Variants in HTR1D observed in about 807,000 individuals in gnomAD.
The protein encoded by HTR1D is 5-hydroxytryptamine receptor 1D, also known as 5-HT-1D.
HTR1D carries 18 observed loss-of-function variants against 21.1 expected under a neutral mutation model. The observed-to-expected ratio is 0.85, with a 90% confidence interval of 0.59 to 1.27. HTR1D has a LOEUF of 1.27. Among genes scored for constraint, HTR1D ranks in the 50% most tolerant of loss-of-function variants. The pLI, the probability that HTR1D is intolerant of heterozygous loss-of-function variation, is 0.00. For synonymous variants in HTR1D, 196 were observed against 204.4 expected (o/e 0.96, Z 0.35); for missense variants, 456 against 481.4 (o/e 0.95, Z 0.49).
rs187495436 is a variant in HTR1D at position 23,202,844 on chromosome 1, G to T, written c.-782-7843C>A. Reference sequence around the variant, plus strand: ...AGTTTTCTCCTCTGCAAAAATCAGGGTATCAAGTCTACCTCCCAGAGATAT... The same window carrying T: ...AGTTTTCTCCTCTGCAAAAATCAGGTTATCAAGTCTACCTCCCAGAGATAT... On this transcript the variant is annotated intron_variant, in intron 1 of 1. Coordinates refer to ENST00000374619, the MANE Select transcript of HTR1D (RefSeq NM_000864.5). Among the ~76,000 whole-genome samples the T allele has an allele frequency of 3.5e-3, 537 of 152,170 alleles. 5 individuals are homozygous for T. Among genetic ancestry groups the T allele is most frequent in the Middle Eastern group, 0.01 (3 of 292 alleles).
intron 1 of HTR1D, among the ~76,000 whole-genome samples, chr1:23,209,623 A>G (rs967173861): frequency 6.6e-6 from 1 of 152,138 alleles, no homozygotes; most frequent in African/African-American, 2.4e-5. Context: ...CTCATGTATT[A>G]ACTCATTTAA....
At chr1:23,206,274 C>T (rs1039754444) in intron 1 of HTR1D, among the ~76,000 whole-genome samples, 18 of 152,128 alleles carry the variant, frequency 1.2e-4, no homozygotes, top group Admixed American at 1.1e-3. Context: ...TCGTGATCCA[C>T]CCACCTCGGC....
At chr1:23,215,023 G>A (rs1423943168) in intron 1 of HTR1D, among the ~76,000 whole-genome samples, 1 of 152,144 alleles carries the variant, frequency 6.6e-6, no homozygotes, top group Non-Finnish European at 1.5e-5. Flanking sequence ...GCAAAAAGAT[G>A]AGGGAACAAC....
rs2148237641 is a variant in HTR1D at position 23,194,221 on chromosome 1, C to T, written c.-2G>A. 1.2e-6 allele frequency: 2 copies of T among 1,608,498 alleles called. No homozygotes were observed. The highest frequency in any genetic ancestry group is 2.2e-5 in the East Asian group (1 of 44,828). ...TGCTGACTGGTTCAGTGGGGACATG[C>T]TAGGTGGCTCTCTCTTCCCACAGAC... On this transcript the variant is annotated 5_prime_UTR_variant, in exon 2 of 2. An upstream open reading frame in the 5' UTR loses its in-frame stop. Transcript: ENST00000374619.
intron 1 of HTR1D, among the ~76,000 whole-genome samples, chr1:23,205,252 GA>G (rs1644725241): frequency 1.3e-5 from 2 of 150,352 alleles, no homozygotes; most frequent in African/African-American, 2.4e-5. Context: ...GGAAGGGTGG[GA>G]GGGGGAAAGG....
chr1:23,199,415 CTTTTTTTTTTTTTTTTTTTTTTTTTT>C (rs71020483), intron 1 of HTR1D, among the ~76,000 whole-genome samples: 2 of 46,330 alleles, frequency 4.3e-5, no homozygotes, highest in African/African-American at 1.8e-4. Context: ...CATGTGTGGT[CTTTTTTTTTTTTTTTTTTTTTTTTTT>C]TTTTTTTTTT....
At chr1:23,205,913 C>A (rs1260587657) in intron 1 of HTR1D, among the ~76,000 whole-genome samples, 1 of 152,162 alleles carries the variant, frequency 6.6e-6, no homozygotes, top group Non-Finnish European at 1.5e-5. Flanking sequence ...ACTCTTCTCT[C>A]CCCCTCCACT....
intron 1 of HTR1D, among the ~76,000 whole-genome samples, chr1:23,212,091 AC>A (rs1179753678): frequency 7.2e-5 from 11 of 152,068 alleles, no homozygotes; most frequent in Non-Finnish European, 1.3e-4. Context: ...CTTGGCTGAG[AC>A]CTTTGGCTGC....
intron 1 of HTR1D, among the ~76,000 whole-genome samples, chr1:23,209,246 G>A (rs1215879386): frequency 3.9e-5 from 6 of 152,088 alleles, no homozygotes; most frequent in Non-Finnish European, 7.4e-5. Context: ...TGATCCGTCC[G>A]CCTCGGCCTC....
At chr1:23,198,669 G>A (rs1458399871) in intron 1 of HTR1D, among the ~76,000 whole-genome samples, 1 of 152,032 alleles carries the variant, frequency 6.6e-6, no homozygotes, top group African/African-American at 2.4e-5. Flanking sequence ...GGGCTACAGA[G>A]AAGCAAAACA....
At chr1:23,205,853 T>C (rs1644728050) in intron 1 of HTR1D, among the ~76,000 whole-genome samples, 3 of 152,056 alleles carry the variant, frequency 2.0e-5, no homozygotes, top group African/African-American at 7.2e-5. Flanking sequence ...CTCCATTCAT[T>C]GAATGACTTG....
Position 23,194,074 on chromosome 1 carries a change from G to A in HTR1D, c.146C>T (p.Thr49Ile), listed in dbSNP as rs1644674294. 1.2e-6 allele frequency: 2 copies of A among 1,614,112 alleles called. No homozygotes were observed. Among genetic ancestry groups the A allele is most frequent in the Non-Finnish European group, 1.7e-6 (2 of 1,180,056 alleles). The change falls in exon 2 of 2, where the codon ACA (threonine) becomes ATA (isoleucine). Residue 49 changes from threonine to isoleucine, a missense_variant. By Grantham distance (89) the Thr-to-Ile change is moderately conservative. Transcript: ENST00000374619. The part of the protein sequence containing the change: ...ISLAVVLSVI[T>I]LATVLSNAFV... The stretch of plus-strand genomic sequence containing the variant: ...GGCATTGGAGAGGACTGTGGCCAGT[G>A]TGATGACGGAAAGGACCACGGCAAG...
rs1644659522 is a variant in HTR1D at position 23,192,087 on chromosome 1, G to C, written c.*999C>G. 6.6e-6 allele frequency: 1 copy of C among 152,114 alleles called. No individual in the cohort carries two copies. The highest frequency in any genetic ancestry group is 6.6e-5 in the Admixed American group (1 of 15,260). 9.4% of individuals were successfully genotyped at this position (152,114 alleles called of 1,614,324 possible). ...ATCTACCTCAAAGGGGTGATCATGG[G>C]TTTCAACTTCAGAATGTGAAGATGG... On this transcript the variant is annotated 3_prime_UTR_variant, in exon 2 of 2. Coordinates refer to ENST00000374619, the MANE Select transcript of HTR1D (RefSeq NM_000864.5).
chr1:23,215,372 AC>A (rs1644769757), intron 1 of HTR1D, among the ~76,000 whole-genome samples: 1 of 148,046 alleles, frequency 6.8e-6, no homozygotes, highest in African/African-American at 2.5e-5. Flanking sequence ...AGCCATGATC[AC>A]ACCACTACAC....
chr1:23,195,195 C>T (rs1354035981), intron 1 of HTR1D, among the ~76,000 whole-genome samples, 194 bp from the exon 2 acceptor site: 4 of 152,136 alleles, frequency 2.6e-5, no homozygotes, highest in East Asian at 1.9e-4. Context: ...GACAAAGAGT[C>T]GTAGCTTTTG....
At chr1:23,204,398 T>C (rs1644721632) in intron 1 of HTR1D, among the ~76,000 whole-genome samples, 1 of 152,212 alleles carries the variant, frequency 6.6e-6, no homozygotes, top group Non-Finnish European at 1.5e-5. Context: ...GTGCTGGGAT[T>C]ACAGGCATGA....
intron 1 of HTR1D, among the ~76,000 whole-genome samples, chr1:23,213,259 C>T (rs559190769): frequency 4.6e-4 from 70 of 151,978 alleles, no homozygotes; most frequent in African/African-American, 1.7e-3. Context: ...TCGAGGCTGG[C>T]GGATCATGAG....
At chr1:23,204,550 G>C (rs977550715) in intron 1 of HTR1D, among the ~76,000 whole-genome samples, 2 of 152,206 alleles carry the variant, frequency 1.3e-5, no homozygotes, top group African/African-American at 2.4e-5. Flanking sequence ...TCTCAGCTCA[G>C]CTCAATGCTT....
chr1:23,210,828 C>T (rs28409571), intron 1 of HTR1D, among the ~76,000 whole-genome samples: 1 of 151,926 alleles, frequency 6.6e-6, no homozygotes, highest in Non-Finnish European at 1.5e-5. Flanking sequence ...CTGCATCCCC[C>T]CTATACTGGA....
Sources: allele counts gnomAD v4.1 joint callset (sites outside exome capture counted in the v4.1 genomes callset), GRCh38; gene constraint gnomAD v4.1.1; transcripts MANE v1.5; gene names NCBI Gene and HGNC (gene_info 2026-07-23, HGNC 2026-07-21).